COL18A1: variants seen among roughly 807,000 people sequenced by gnomAD.
COL18A1 encodes the protein collagen type XVIII alpha 1 chain, also known as collagen alpha-1(XVIII) chain.
In COL18A1, 133 loss-of-function variants were observed where a neutral mutation model predicts 168.0. The ratio of observed to expected loss-of-function variants is 0.79; its 90% CI spans 0.69 to 0.91. The LOEUF (loss-of-function observed/expected upper bound fraction) is 0.91, where lower values mean the gene tolerates loss of function less well. Ranked by LOEUF, COL18A1 falls within the 40% of genes least tolerant of loss-of-function variation. The pLI is 0.00. For synonymous variants in COL18A1, 949 were observed against 809.0 expected (o/e 1.17, Z -2.94); for missense variants, 2,126 against 1,925.4 (o/e 1.10, Z -1.95).
intron 32 of COL18A1, among the ~76,000 whole-genome samples, chr21:45,501,258 G>C (rs1396559859): frequency 2.6e-5 from 4 of 152,054 alleles, no homozygotes; most frequent in African/African-American, 9.7e-5. Context: ...GATATGACAA[G>C]TGAAAAATTG....
At chr21:45,448,880 CCTT>C (rs1268222315) in intron 2 of COL18A1, among the ~76,000 whole-genome samples, 1 of 152,088 alleles carries the variant, frequency 6.6e-6, no homozygotes, top group African/African-American at 2.4e-5. Flanking sequence ...TGCCCCACCG[CCTT>C]CTTCCTAACG....
intron 2 of COL18A1, among the ~76,000 whole-genome samples, chr21:45,427,910 G>C (rs148841885): frequency 6.6e-6 from 1 of 152,212 alleles, no homozygotes; most frequent in African/African-American, 2.4e-5. Context: ...CCCGGGGCCT[G>C]GATGAGTCTG....
chr21:45,478,162 C>T (rs1602489693), intron 8 of COL18A1, 165 bp from the exon 9 acceptor site: 2 of 905,068 alleles, frequency 2.2e-6, no homozygotes, highest in Non-Finnish European at 3.6e-6. Context: ...TCAGACACAG[C>T]CCTTGTGGGT....
rs369792535 is a variant in COL18A1 at position 45,487,452 on chromosome 21, C to T, written c.1839C>T (p.Asp613=). 2 of 1,613,000 alleles carry T rather than the reference C, an allele frequency of 1.2e-6. No homozygotes were observed. Among genetic ancestry groups the T allele is most frequent in the Non-Finnish European group, 1.7e-6 (2 of 1,179,992 alleles). Residue 613 remains aspartate, a synonymous_variant, in exon 17 of 42, where the codon GAC becomes GAT. Transcript: ENST00000651438. The part of the protein sequence containing the change: ...PGPGLPAGFD[D]MEGSGGPFWS... The stretch of plus-strand genomic sequence containing the variant: ...GTCTCGTGTGTCTCTTCCAGGATGA[C>T]ATGGAAGGCTCCGGGGGGCCCTTCT...
At chr21:45,437,103 GCACACACAC>G (rs1569287077) in intron 2 of COL18A1, among the ~76,000 whole-genome samples, 4 of 114,668 alleles carry the variant, frequency 3.5e-5, no homozygotes, top group Non-Finnish European at 5.2e-5. Context: ...GCACTCTCCT[GCACACACAC>G]TCACACACAG....
chr21:45,440,152 G>A (rs898400713), intron 2 of COL18A1, among the ~76,000 whole-genome samples: 5 of 152,168 alleles, frequency 3.3e-5, no homozygotes, highest in African/African-American at 9.7e-5. Context: ...GGGTCGGAAC[G>A]TCGGCTGTGG....
chr21:45,486,903 A>G lies in COL18A1; in HGVS notation c.1744A>G (p.Ser582Gly). The G allele has an allele frequency of 1.3e-6, 2 of 1,522,824 alleles. No homozygotes were observed. Among genetic ancestry groups the G allele is most frequent in the Non-Finnish European group, 1.8e-6 (2 of 1,135,156 alleles). 94.3% of individuals were successfully genotyped at this position (1,522,824 alleles called of 1,614,324 possible). ...CGGTCCTGCTGGTGCTCGTGGGGAGAGCGGCCTGGCAGGAGCCCCCGGACC... is the reference window on the plus strand; with the variant it reads ...CGGTCCTGCTGGTGCTCGTGGGGAGGGCGGCCTGGCAGGAGCCCCCGGACC... The part of the protein sequence containing the change: ...APGPAGARGE[S>G]GLAGAPGPAG... Residue 582 changes from serine to glycine, a missense_variant, in exon 16 of 42, where the codon AGC becomes GGC. Transcript: ENST00000651438.
chr21:45,472,219 T>G (rs1263441924), intron 3 of COL18A1, among the ~76,000 whole-genome samples: 1 of 144,502 alleles, frequency 6.9e-6, no homozygotes, highest in Non-Finnish European at 1.5e-5. Flanking sequence ...AGAAGCGCAG[T>G]TTTTTTTTTT....
intron 2 of COL18A1, among the ~76,000 whole-genome samples, chr21:45,405,978 C>A (rs1211471248): frequency 6.6e-6 from 1 of 152,038 alleles, no homozygotes; most frequent in Non-Finnish European, 1.5e-5. Flanking sequence ...TCTGTCCCCG[C>A]GCCCGCCGTG....
Position 45,498,517 on chromosome 21 carries a change from G to T in COL18A1, c.2683+856G>T. ...TCTCGCTGCCAGGGTCCTCTGCAGA[G>T]GAGGCCGCCATACCTGCTCTTGCTG... is the stretch of plus-strand genomic sequence containing the variant. On this transcript the variant is annotated intron_variant, in intron 32 of 41. Transcript: ENST00000651438. This position sits in a 1 kb window ranked among gnomAD's most constrained non-coding sequence, Gnocchi z 4.5. 1.4e-6 allele frequency: 1 copy of T among 716,342 alleles called. No individual in the cohort carries two copies. Among genetic ancestry groups the T allele is most frequent in the African/African-American group, 1.7e-5 (1 of 57,312 alleles). The allele number at this position is 716,342 out of a possible 1,614,324, so 44.4% of individuals were successfully genotyped here.
intron 30 of COL18A1, 138 bp from the exon 31 acceptor site, chr21:45,496,912 C>T (rs1336644604): frequency 2.8e-6 from 2 of 713,604 alleles, no homozygotes; most frequent in Non-Finnish European, 5.1e-6. Flanking sequence ...CCCCTGTTCC[C>T]TCCCGTCTCT....
Position 45,421,145 on chromosome 21 carries a change from T to C in COL18A1, c.106+15672T>C. 9.0e-6 allele frequency: 3 copies of C among 332,852 alleles called. No individual in the cohort carries two copies. The Admixed American group carries it at 1.2e-4, about 14-fold the overall frequency. The allele number at this position is 332,852 out of a possible 1,614,324, so 20.6% of individuals were successfully genotyped here. ...GCCTGCCTGTCCTGCCCTGCACTCCTCAGGCTCCTCAAGGACAGACGGACA... is the reference window on the plus strand; with the variant it reads ...GCCTGCCTGTCCTGCCCTGCACTCCCCAGGCTCCTCAAGGACAGACGGACA... On this transcript the variant is annotated intron_variant, in intron 2 of 41. Transcript: ENST00000651438.
intron 4 of COL18A1, 61 bp downstream of exon 4, chr21:45,474,042 G>C: frequency 7.4e-7 from 1 of 1,358,572 alleles, no homozygotes. Context: ...CGGAGTTCAG[G>C]GCCAAGGTCT....
intron 2 of COL18A1, among the ~76,000 whole-genome samples, chr21:45,436,152 C>T (rs1569286601): frequency 1.3e-5 from 2 of 152,212 alleles, no homozygotes; most frequent in Non-Finnish European, 2.9e-5. Context: ...GAAACCCTAC[C>T]TACAGGGCTG....
chr21:45,510,011 G>T, intron 39 of COL18A1, 53 bp from the exon 40 acceptor site: 1 of 1,526,420 alleles, frequency 6.6e-7, no homozygotes, highest in Non-Finnish European at 8.8e-7. Flanking sequence ...CCCGGGGCCT[G>T]GGTGCAGGGG....
intron 4 of COL18A1, among the ~76,000 whole-genome samples, chr21:45,474,221 G>A (rs1471759199): frequency 1.3e-5 from 2 of 152,100 alleles, no homozygotes; most frequent in Non-Finnish European, 2.9e-5. Flanking sequence ...GGCAGCTGGT[G>A]AGACAGAGGA....
At chr21:45,452,928 C>T (rs2034670582) in intron 2 of COL18A1, among the ~76,000 whole-genome samples, 1 of 150,790 alleles carries the variant, frequency 6.6e-6, no homozygotes, top group African/African-American at 2.4e-5. Flanking sequence ...TGAGTATTCA[C>T]ATGTGACATG....
At chr21:45,476,564 TGTGTGATGTATG>T in intron 6 of COL18A1, 84 bp downstream of exon 6, 2 of 1,490,520 alleles carry the variant, frequency 1.3e-6, no homozygotes, top group Non-Finnish European at 1.8e-6. Context: ...GTGAGGTATG[TGTGTGATGTATG>T]GTGTGTGTAG....
In COL18A1 at chr21:45,471,974, TCTCTGCC is replaced by T. The variant is rs1402126824; in HGVS notation, c.652-1915_652-1909del. ...CAGCGGCCACCACGGGCTCAGAGCT[TCTCTGCC>T]CTCTGTAGTCGCCCCCCACCCAGGC... On this transcript the variant is annotated intron_variant, in intron 3 of 41. Coordinates refer to ENST00000651438, the MANE Select transcript of COL18A1 (RefSeq NM_001379500.1). This position sits in a 1 kb window ranked among gnomAD's most constrained non-coding sequence, Gnocchi z 4.4. 6.6e-6 allele frequency among the ~76,000 whole-genome samples: 1 copy of T among 152,034 alleles called. No individual in the cohort carries two copies. The highest frequency in any genetic ancestry group is 1.5e-5 in the Non-Finnish European group (1 of 67,994).
Sources: allele counts gnomAD v4.1 joint callset (sites outside exome capture counted in the v4.1 genomes callset), GRCh38; gene constraint gnomAD v4.1.1; non-coding constraint Gnocchi (gnomAD v3.1); transcripts MANE v1.5; gene names NCBI Gene and HGNC (gene_info 2026-07-23, HGNC 2026-07-21).